The following FAM220A variants were observed in gnomAD, a reference collection of about 807,000 sequenced individuals.
FAM220A encodes the protein family with sequence similarity 220 member A.
For missense variants in FAM220A, 392 were observed against 321.6 expected (o/e 1.22, Z -1.68); for synonymous variants, 141 against 130.7 (o/e 1.08, Z -0.54).
chr7:6,346,904 TAAA>T (rs1346042467), intron 1 of FAM220A, among the ~76,000 whole-genome samples: 1 of 152,096 alleles, frequency 6.6e-6, no homozygotes, highest in Non-Finnish European at 1.5e-5. Context: ...CGTCCAACTG[TAAA>T]CTCCCCAAAG....
intron 1 of FAM220A, among the ~76,000 whole-genome samples, chr7:6,334,463 G>A (rs1781706524): frequency 1.3e-5 from 2 of 151,920 alleles, no homozygotes; most frequent in South Asian, 4.1e-4. Flanking sequence ...TTGAGTCCCA[G>A]AGGCTCTGTC....
chr7:6,336,682 CAAA>C (rs35524069), intron 1 of FAM220A, among the ~76,000 whole-genome samples: 11 of 122,932 alleles, frequency 8.9e-5, no homozygotes, highest in East Asian at 2.3e-4. Context: ...AGACTTTGTC[CAAA>C]AAAAAAAAAA....
At chr7:6,340,209 G>T (rs1275839359) in intron 1 of FAM220A, among the ~76,000 whole-genome samples, 1 of 152,130 alleles carries the variant, frequency 6.6e-6, no homozygotes, top group African/African-American at 2.4e-5. Flanking sequence ...GTGAAGATTC[G>T]ATGTATGAGA....
chr7:6,333,304 G>A (rs1583236329), intron 1 of FAM220A, among the ~76,000 whole-genome samples: 1 of 152,130 alleles, frequency 6.6e-6, no homozygotes. Context: ...CCGGTGATTG[G>A]AGCCAGCCGA....
In FAM220A at chr7:6,330,821, C is replaced by A; in HGVS notation, c.334G>T (p.Glu112Ter). ...TAVGLFPAPT[E>*]CFARVSCSGV... ...CTGCAGGACACCCGAGCAAAACACT[C>A]TGTTGGAGCAGGGAACAAACCCACG... is the stretch of plus-strand genomic sequence containing the variant. The change falls in exon 2 of 2, where the codon GAG (glutamate) becomes TAG (stop). Residue 112 changes from glutamate to a stop codon, truncating the protein, a stop_gained. Transcript: ENST00000313324. LOFTEE classifies it low-confidence loss of function (END_TRUNC). 1 of 1,614,202 alleles carries A rather than the reference C, an allele frequency of 6.2e-7. No individual in the cohort carries two copies. The highest frequency in any genetic ancestry group is 1.1e-5 in the South Asian group (1 of 91,086).
In FAM220A at chr7:6,330,266, C is replaced by T; in HGVS notation, c.*109G>A. On this transcript the variant is annotated 3_prime_UTR_variant, in exon 2 of 2. Coordinates refer to ENST00000313324, the MANE Select transcript of FAM220A (RefSeq NM_001037163.2). Reference sequence around the variant, plus strand: ...TTTAAGTCTGCCAGGTCGTACAAAACTACAGCAGGAACCTAAGGGCTGCAC... The same window carrying T: ...TTTAAGTCTGCCAGGTCGTACAAAATTACAGCAGGAACCTAAGGGCTGCAC... 9.0e-7 allele frequency: 1 copy of T among 1,109,786 alleles called. No homozygotes were observed. Among genetic ancestry groups the T allele is most frequent in the Non-Finnish European group, 1.3e-6 (1 of 779,588 alleles). 68.7% of individuals were successfully genotyped at this position (1,109,786 alleles called of 1,614,324 possible).
At chr7:6,346,918 G>T (rs1426923665) in intron 1 of FAM220A, among the ~76,000 whole-genome samples, 1 of 152,172 alleles carries the variant, frequency 6.6e-6, no homozygotes, top group Non-Finnish European at 1.5e-5. Flanking sequence ...CTCCCCAAAG[G>T]AGGGTCCCTC....
chr7:6,344,567 C>T (rs2115149272), intron 1 of FAM220A, among the ~76,000 whole-genome samples: 1 of 151,954 alleles, frequency 6.6e-6, no homozygotes, highest in East Asian at 1.9e-4. Flanking sequence ...TATAGGCATG[C>T]ACCACCACGC....
At position 6,348,102 on chromosome 7, in the gene FAM220A, G is replaced by A. The variant is rs138512145; in HGVS notation, c.-82+471C>T. Among the ~76,000 whole-genome samples, 1,171 of 151,258 alleles carry A rather than the reference G, an allele frequency of 7.7e-3. 7 individuals carry two copies. The highest frequency in any genetic ancestry group is 0.027 in the African/African-American group (1,096 of 41,268). ...ATTCTGTATTTTTAGTAGAGACGGGGTTTCTCCGTGTTGGTCAGGCTGGTC... is the reference window on the plus strand; with the variant it reads ...ATTCTGTATTTTTAGTAGAGACGGGATTTCTCCGTGTTGGTCAGGCTGGTC... On this transcript the variant is annotated intron_variant, in intron 1 of 1. Coordinates refer to ENST00000313324, the MANE Select transcript of FAM220A (RefSeq NM_001037163.2).
intron 1 of FAM220A, among the ~76,000 whole-genome samples, chr7:6,337,001 G>C (rs1014967866): frequency 6.6e-6 from 1 of 151,852 alleles, no homozygotes. Context: ...AATGTGCTAA[G>C]TATGAACATT....
At chr7:6,336,224 T>G (rs939206637) in intron 1 of FAM220A, among the ~76,000 whole-genome samples, 5 of 151,340 alleles carry the variant, frequency 3.3e-5, no homozygotes, top group African/African-American at 1.2e-4. Flanking sequence ...TGCACACCTG[T>G]AGTCCCAGTC....
intron 1 of FAM220A, 56 bp from the exon 2 acceptor site, chr7:6,331,291 C>A (rs1466892814): frequency 1.8e-5 from 13 of 727,354 alleles, no homozygotes; most frequent in Non-Finnish European, 2.9e-5. Flanking sequence ...GTCTTAAGAG[C>A]ATCTACACCC....
chr7:6,330,849 T>C lies in FAM220A; in HGVS notation c.306A>G (p.Thr102=), dbSNP rs1240897607. 2.5e-6 allele frequency: 4 copies of C among 1,614,224 alleles called. No homozygotes were observed. Among genetic ancestry groups the C allele is most frequent in the South Asian group, 2.2e-5 (2 of 91,086 alleles). The change falls in exon 2 of 2, where the codon ACA becomes ACG. Residue 102 remains threonine (T), a synonymous_variant. Coordinates refer to ENST00000313324, the MANE Select transcript of FAM220A (RefSeq NM_001037163.2). The part of the protein sequence containing the change: ...RNPASAATPS[T]AVGLFPAPTE... ...TTGGAGCAGGGAACAAACCCACGGC[T>C]GTGCTCGGAGTGGCTGCTGAGGCTG...
rs192800269 is a variant in FAM220A, at chr7:6,341,399, G to A, written c.-82+7174C>T. Reference sequence around the variant, plus strand: ...GGAGCTTGCAGTGAGCGGAGATCGCGCCACTGTACTCCAGCCTGGGTGACA... The same window carrying A: ...GGAGCTTGCAGTGAGCGGAGATCGCACCACTGTACTCCAGCCTGGGTGACA... On this transcript the variant is annotated intron_variant, in intron 1 of 1. Coordinates refer to ENST00000313324, the MANE Select transcript of FAM220A (RefSeq NM_001037163.2). Among the ~76,000 whole-genome samples, 1,257 of 151,324 alleles carry A rather than the reference G, an allele frequency of 8.3e-3. 19 individuals are homozygous for A. Among genetic ancestry groups the A allele is most frequent in the African/African-American group, 0.029 (1,182 of 41,210 alleles).
At position 6,331,116 on chromosome 7, in the gene FAM220A, T is replaced by C. The variant is rs766139053; in HGVS notation, c.39A>G (p.Ala13=). Residue 13 remains alanine, a synonymous_variant, in exon 2 of 2, where the codon GCA becomes GCG. Transcript: ENST00000313324. ...CACCTCCTCCGGCCTGCTGCACTTGTGCCAGGCAGGTGCCGAGGGGCCCTC... is the reference window on the plus strand; with the variant it reads ...CACCTCCTCCGGCCTGCTGCACTTGCGCCAGGCAGGTGCCGAGGGGCCCTC... ...DRRGPLGTCL[A]QVQQAGGGDS... is the part of the protein sequence containing the mutation. 1.2e-6 allele frequency: 2 copies of C among 1,613,178 alleles called. No homozygotes were observed. Among genetic ancestry groups the C allele is most frequent in the African/African-American group, 1.3e-5 (1 of 74,954 alleles).
intron 1 of FAM220A, among the ~76,000 whole-genome samples, chr7:6,345,397 G>A (rs1269656429): frequency 2.6e-5 from 4 of 152,192 alleles, no homozygotes; most frequent in Non-Finnish European, 5.9e-5. Context: ...TTATAGGCAT[G>A]AGCCACCACA....
In FAM220A at chr7:6,330,257, C is replaced by G; in HGVS notation, c.*118G>C. On this transcript the variant is annotated 3_prime_UTR_variant, in exon 2 of 2. Transcript: ENST00000313324. ...TCAATTTACTTTAAGTCTGCCAGGT[C>G]GTACAAAACTACAGCAGGAACCTAA... 1.0e-5 allele frequency: 10 copies of G among 986,094 alleles called. No individual in the cohort carries two copies. In the South Asian group the frequency reaches 1.7e-4, roughly 17 times the overall value. 61.1% of individuals were successfully genotyped at this position (986,094 alleles called of 1,614,324 possible).
chr7:6,345,039 C>A (rs1004309145), intron 1 of FAM220A, among the ~76,000 whole-genome samples: 2 of 151,990 alleles, frequency 1.3e-5, no homozygotes, highest in Admixed American at 1.3e-4. Context: ...CCACCACGCC[C>A]GGCCACTGCG....
At chr7:6,333,211 T>C (rs1025517302) in intron 1 of FAM220A, among the ~76,000 whole-genome samples, 22 of 137,364 alleles carry the variant, frequency 1.6e-4, no homozygotes, top group African/African-American at 5.6e-4. Flanking sequence ...GGGGAGAAAA[T>C]GAAGGATGCA....
Sources: gnomAD v4.1 joint callset for allele counts (sites outside exome capture counted in the v4.1 genomes callset) on GRCh38, gnomAD v4.1.1 for gene constraint, MANE v1.5 for transcripts, NCBI Gene and HGNC (gene_info 2026-07-23, HGNC 2026-07-21) for gene names.